The following ASPM variants were observed in gnomAD, a reference collection of about 807,000 sequenced individuals.
ASPM encodes the protein abnormal spindle-like microcephaly-associated protein.
ASPM carries 256 observed loss-of-function variants against 366.4 expected under a neutral mutation model. The observed-to-expected ratio is 0.70, with a 90% CI of 0.63 to 0.77. ASPM has a LOEUF of 0.77. Among genes scored for constraint, ASPM ranks in the 30% least tolerant of loss-of-function variants. The pLI is 0.00. For synonymous variants in ASPM, 1,414 were observed against 1,342.9 expected (o/e 1.05, Z -1.16); for missense variants, 4,146 against 4,090.4 (o/e 1.01, Z -0.37).
chr1:197,122,354 C>CA, intron 14 of ASPM, 34 bp downstream of exon 14: 6 of 1,613,242 alleles, frequency 3.7e-6, no homozygotes, highest in East Asian at 2.2e-5. Context: ...TCAGACATGG[C>CA]AAAAAATTGG....
At chr1:197,139,391 GCCCGACCAC>G (rs1472550607) in intron 4 of ASPM, 2 of 569,786 alleles carry the variant, frequency 3.5e-6, no homozygotes, top group East Asian at 5.8e-5. Context: ...TCAGGAGATT[GCCCGACCAC>G]CCCGGCCAAC....
intron 3 of ASPM, 116 bp from the exon 4 acceptor site, chr1:197,139,987 TTAA>T: frequency 1.4e-6 from 1 of 714,854 alleles, no homozygotes. Context: ...TAGCAAACAC[TTAA>T]TAACCACTGT....
At position 197,089,966 on chromosome 1, in the gene ASPM, G is replaced by T; in HGVS notation, c.9948C>A (p.Ile3316=). Residue 3316 remains isoleucine, a synonymous_variant, in exon 25 of 28, where the codon ATC becomes ATA. Transcript: ENST00000367409. ...CNRSIPCMEV[I]RYAVQVLLNV... is the part of the protein sequence containing the mutation. Reference sequence around the variant, plus strand: ...TAAGCAAGACTTGCACAGCATATCTGATGACTTCCATACAAGGAATACTGC... The same window carrying T: ...TAAGCAAGACTTGCACAGCATATCTTATGACTTCCATACAAGGAATACTGC... The T allele has an allele frequency of 6.2e-7, 1 of 1,613,220 alleles. No homozygotes were observed. Among genetic ancestry groups the T allele is most frequent in the Non-Finnish European group, 8.5e-7 (1 of 1,179,458 alleles).
rs755923607 is a variant in ASPM, at chr1:197,103,779, T to C, written c.5472A>G (p.Gln1824=). ...ACTGAATTTTAAGAGCAGCTATAGA[T>C]TGTTGTTTGATTAGCTGGCGTACTT... The part of the protein sequence containing the change: ...GYKVRQLIKQ[Q]SIAALKIQSA... Residue 1824 remains glutamine (Q), a synonymous_variant, in exon 18 of 28, where the codon CAA becomes CAG. Transcript: ENST00000367409. The C allele has an allele frequency of 1.5e-5, 24 of 1,612,944 alleles. No homozygotes were observed. The highest frequency in any genetic ancestry group is 1.1e-4 in the East Asian group (5 of 44,832).
intron 18 of ASPM, among the ~76,000 whole-genome samples, chr1:197,097,723 T>C (rs1470896039): frequency 2.0e-5 from 3 of 151,682 alleles, no homozygotes; most frequent in African/African-American, 7.3e-5. Context: ...TTTGTTTCAA[T>C]TGGCCATTTA....
chr1:197,103,737 A>T lies in ASPM; in HGVS notation c.5514T>A (p.Tyr1838Ter), dbSNP rs761067134. 31 of 1,612,766 alleles carry T rather than the reference A, an allele frequency of 1.9e-5. No individual in the cohort carries two copies. The highest frequency in any genetic ancestry group is 2.6e-5 in the Non-Finnish European group (31 of 1,179,278). ...ALKIQSAFRGYNKRVKYQSVL... is the reference protein window; with the variant it reads ...ALKIQSAFRG ...CAGATTGATATTTTACCCTTTTATT[A>T]TAGCCTCTAAAAGCAGACTGAATTT... Residue 1838 changes from tyrosine (Y) to a stop codon, truncating the protein, a stop_gained, in exon 18 of 28, where the codon TAT becomes TAA. Coordinates refer to ENST00000367409, the MANE Select transcript of ASPM (RefSeq NM_018136.5). LOFTEE classifies it high-confidence loss of function.
intron 5 of ASPM, 39 bp downstream of exon 5, chr1:197,135,057 A>G (rs200520019): frequency 7.3e-7 from 1 of 1,378,544 alleles, no homozygotes; most frequent in Admixed American, 1.9e-5. Flanking sequence ...TTTATCTGTT[A>G]AAAGTATTAT....
chr1:197,103,292 G>A lies in ASPM; in HGVS notation c.5959C>T (p.Gln1987Ter). The change falls in exon 18 of 28, where the codon CAA (glutamine) becomes TAA (stop). Residue 1987 changes from glutamine to a stop codon, truncating the protein, a stop_gained. Coordinates refer to ENST00000367409, the MANE Select transcript of ASPM (RefSeq NM_018136.5). LOFTEE classifies it high-confidence loss of function. ...TTTTTCATGATTTTCCACTTCTTTT[G>A]TTGCACATGCATTCTATAGTATGAC... is the stretch of plus-strand genomic sequence containing the variant. ...IQSYYRMHVQ[Q>*]KKWKIMKKAA... is the part of the protein sequence containing the mutation. 6.2e-7 allele frequency: 1 copy of A among 1,612,936 alleles called. No individual in the cohort carries two copies. Among genetic ancestry groups the A allele is most frequent in the South Asian group, 1.1e-5 (1 of 91,060 alleles).
At chr1:197,114,521 G>GC (rs1657685814) in intron 17 of ASPM, among the ~76,000 whole-genome samples, 1 of 152,160 alleles carries the variant, frequency 6.6e-6, no homozygotes, top group East Asian at 1.9e-4. Flanking sequence ...TCCTCTCAAA[G>GC]CCCGCTGCTG....
intron 8 of ASPM, among the ~76,000 whole-genome samples, 188 bp from the exon 9 acceptor site, chr1:197,129,505 T>C (rs1420424241): frequency 6.6e-6 from 1 of 152,160 alleles, no homozygotes; most frequent in Non-Finnish European, 1.5e-5. Flanking sequence ...CCAATATCTC[T>C]ATGGGACAAG....
intron 7 of ASPM, among the ~76,000 whole-genome samples, chr1:197,131,791 C>G (rs956165481): frequency 5.3e-5 from 8 of 151,558 alleles, no homozygotes; most frequent in Non-Finnish European, 1.0e-4. Flanking sequence ...CATCTCCTGA[C>G]CTCACGATCA....
At position 197,142,667 on chromosome 1, in the gene ASPM, C is replaced by G. The variant is rs775591782; in HGVS notation, c.1585G>C (p.Glu529Gln). The G allele has an allele frequency of 7.4e-6, 12 of 1,612,788 alleles. No individual in the cohort carries two copies. In the African/African-American group the frequency reaches 1.5e-4, roughly 20 times the overall value. The change falls in exon 3 of 28, where the codon GAA (glutamate) becomes CAA (glutamine). Residue 529 changes from glutamate (E) to glutamine (Q), a missense_variant. Coordinates refer to ENST00000367409, the MANE Select transcript of ASPM (RefSeq NM_018136.5). The part of the protein sequence containing the change: ...RCLNSAVGEH[E>Q]KVINNQKEKE... ...TCCTTTTGATTATTTATTACTTTTT[C>G]ATGTTCACCCACTGCACTGTTGAGA...
At chr1:197,085,395 C>T (rs1656556076) in intron 27 of ASPM, among the ~76,000 whole-genome samples, 1 of 152,134 alleles carries the variant, frequency 6.6e-6, no homozygotes, top group African/African-American at 2.4e-5. Context: ...TTTATAATCT[C>T]AAACTTATTG....
chr1:197,090,825 C>G (rs2125088351), intron 23 of ASPM, 25 bp downstream of exon 23: 2 of 1,595,582 alleles, frequency 1.3e-6, no homozygotes, highest in Middle Eastern at 1.7e-4. Flanking sequence ...AAGTTTTGAA[C>G]TAAAACTATA....
At chr1:197,137,095 T>C (rs1557962558) in intron 4 of ASPM, among the ~76,000 whole-genome samples, 1 of 152,172 alleles carries the variant, frequency 6.6e-6, no homozygotes. Context: ...TATGGAATAA[T>C]ATTGGTGATT....
At position 197,092,989 on chromosome 1, in the gene ASPM, C is replaced by T. The variant is rs147572084; in HGVS notation, c.9294+63G>A. The T allele has an allele frequency of 5.4e-5, 74 of 1,369,342 alleles. No individual in the cohort carries two copies. The East Asian group carries it at 1.7e-3, about 31-fold the overall frequency. The allele number at this position is 1,369,342 out of a possible 1,614,324, so 84.8% of individuals were successfully genotyped here. ...TTCTCTAAAATCCAAAGTTTCTTAACACTATTTAACATCAAGTGCTTTCAT... is the reference window on the plus strand; with the variant it reads ...TTCTCTAAAATCCAAAGTTTCTTAATACTATTTAACATCAAGTGCTTTCAT... On this transcript the variant is annotated intron_variant, in intron 21 of 27. Coordinates refer to ENST00000367409, the MANE Select transcript of ASPM (RefSeq NM_018136.5).
chr1:197,117,679 G>A, intron 17 of ASPM, 110 bp downstream of exon 17: 1 of 980,902 alleles, frequency 1.0e-6, no homozygotes, highest in Non-Finnish European at 1.5e-6. Context: ...TTAAGTATTA[G>A]ATAAAGAATC....
rs764193681 is a variant in ASPM, at chr1:197,104,909, T to A, written c.4342A>T (p.Ile1448Leu). 2 of 1,611,938 alleles carry A rather than the reference T, an allele frequency of 1.2e-6. No homozygotes were observed. Among genetic ancestry groups the A allele is most frequent in the Non-Finnish European group, 1.7e-6 (2 of 1,179,086 alleles). Residue 1448 changes from isoleucine to leucine, a missense_variant, in exon 18 of 28, where the codon ATA becomes TTA. Physicochemically the swap from Ile to Leu is conservative, Grantham distance 5. Transcript: ENST00000367409. Reference protein sequence around the residue: ...KMQSQVKATVILQRAFREWHL... With the variant: ...KMQSQVKATVLLQRAFREWHL... Reference sequence around the variant, plus strand: ...CATTCTCTAAAAGCTCTTTGCAATATTACTGTAGCTTTTACTTGTGATTGC... The same window carrying A: ...CATTCTCTAAAAGCTCTTTGCAATAATACTGTAGCTTTTACTTGTGATTGC...
At chr1:197,135,745 G>T (rs1658403243) in intron 4 of ASPM, among the ~76,000 whole-genome samples, 1 of 151,506 alleles carries the variant, frequency 6.6e-6, no homozygotes, top group Non-Finnish European at 1.5e-5. Flanking sequence ...GAGGCCAGGG[G>T]TTTGTAACCA....
Sources: allele counts gnomAD v4.1 joint callset (sites outside exome capture counted in the v4.1 genomes callset), GRCh38; gene constraint gnomAD v4.1.1; transcripts MANE v1.5; gene names NCBI Gene and HGNC (gene_info 2026-07-23, HGNC 2026-07-21).